The following GFRA1 variants were observed in gnomAD, a reference collection of about 807,000 sequenced individuals.
GFRA1 encodes GDNF family receptor alpha 1, also known as GDNF family receptor alpha-1.
A neutral mutation model predicts 51.6 loss-of-function variants in GFRA1; 16 were observed. The observed-to-expected ratio is 0.31, with a 90% CI of 0.21 to 0.47. The LOEUF (loss-of-function observed/expected upper bound fraction) is 0.47, where lower values mean the gene tolerates loss of function less well. Ranked by LOEUF, GFRA1 falls within the 20% of genes least tolerant of loss-of-function variation. The probability of loss-of-function intolerance (pLI) is 1.00; values close to 1 mark genes in which losing one functional copy is unlikely to be tolerated. For synonymous variants in GFRA1, 270 were observed against 241.3 expected, an observed-to-expected ratio of 1.12 and a Z score of -1.10; for missense variants, 530 against 594.3, an observed-to-expected ratio of 0.89 and a Z score of 1.13.
At chr10:116,142,213 T>C (rs2134097028) in intron 5 of GFRA1, among the ~76,000 whole-genome samples, 1 of 152,322 alleles carries the variant, frequency 6.6e-6, no homozygotes, top group East Asian at 1.9e-4. Flanking sequence ...GTGGTTGTGT[T>C]TGTTATACAC....
intron 5 of GFRA1, among the ~76,000 whole-genome samples, chr10:116,145,784 C>T (rs550435332): frequency 6.6e-6 from 1 of 152,128 alleles, no homozygotes; most frequent in East Asian, 1.9e-4. Context: ...TCAAATTAGT[C>T]GCTATTATAA....
At chr10:116,128,405 C>T (rs1288299575) in intron 5 of GFRA1, among the ~76,000 whole-genome samples, 5 of 152,134 alleles carry the variant, frequency 3.3e-5, no homozygotes, top group Non-Finnish European at 7.4e-5. Flanking sequence ...AAGGAGTCCA[C>T]AAGCTTATAC....
intron 5 of GFRA1, among the ~76,000 whole-genome samples, chr10:116,192,448 A>G (rs1189993183): frequency 1.3e-5 from 2 of 152,188 alleles, no homozygotes; most frequent in African/African-American, 4.8e-5. Context: ...GTTCTCCCCA[A>G]GAGGCCCCAC....
At chr10:116,097,936 T>C (rs1189919514) in intron 6 of GFRA1, among the ~76,000 whole-genome samples, 1 of 152,218 alleles carries the variant, frequency 6.6e-6, no homozygotes, top group Non-Finnish European at 1.5e-5. Flanking sequence ...AAGCGCATTA[T>C]GCATCCCTTT....
intron 5 of GFRA1, among the ~76,000 whole-genome samples, chr10:116,145,016 G>A (rs1352289889): frequency 1.3e-5 from 2 of 151,536 alleles, no homozygotes; most frequent in Non-Finnish European, 2.9e-5. Flanking sequence ...AGGCATGGTG[G>A]TGCGCACCTG....
intron 5 of GFRA1, among the ~76,000 whole-genome samples, chr10:116,209,769 CG>C (rs1287119351): frequency 1.3e-5 from 2 of 152,016 alleles, no homozygotes; most frequent in African/African-American, 2.4e-5. Context: ...GAACATTTTA[CG>C]GAGCAATATT....
intron 9 of GFRA1, among the ~76,000 whole-genome samples, chr10:116,072,280 G>T (rs1395349102): frequency 6.6e-6 from 1 of 152,134 alleles, no homozygotes; most frequent in Non-Finnish European, 1.5e-5. Flanking sequence ...GGCACTTGTG[G>T]GTAGAAGAAG....
chr10:116,210,379 G>T (rs916910837), intron 5 of GFRA1, among the ~76,000 whole-genome samples: 4 of 152,024 alleles, frequency 2.6e-5, no homozygotes, highest in South Asian at 2.1e-4. Flanking sequence ...AAAAAAAAAT[G>T]ATCTGCCTAG....
At chr10:116,117,546 T>A in intron 6 of GFRA1, among the ~76,000 whole-genome samples, 1 of 14,706 alleles carries the variant, frequency 6.8e-5, no homozygotes. Context: ...GGTGGGTGGG[T>A]GGGTGGGTGT....
rs1969915057 is a variant in GFRA1, at chr10:116,269,377, T to C, written c.418+126A>G. 4 of 721,214 alleles carry C rather than the reference T, an allele frequency of 5.5e-6. No homozygotes were observed. The South Asian group carries it at 5.9e-5, about 11-fold the overall frequency. The allele number at this position is 721,214 out of a possible 1,614,324, so 44.7% of individuals were successfully genotyped here. A position where few individuals can be genotyped will look rare whatever the true frequency, so the allele number is the denominator to read the frequency against. Reference sequence around the variant, plus strand: ...GCCTCTTCATTATCATCATCCTATTTCTAATTTCCCAGAAACACTGTGCCA... The same window carrying C: ...GCCTCTTCATTATCATCATCCTATTCCTAATTTCCCAGAAACACTGTGCCA... On this transcript the variant is annotated intron_variant, in intron 4 of 10. Coordinates refer to ENST00000355422, the MANE Select transcript of GFRA1 (RefSeq NM_005264.8).
chr10:116,115,439 C>T (rs1957374802), intron 6 of GFRA1, among the ~76,000 whole-genome samples: 1 of 152,038 alleles, frequency 6.6e-6, no homozygotes, highest in South Asian at 2.1e-4. Flanking sequence ...GTGAGATGAG[C>T]CCATGCATGG....
intron 5 of GFRA1, among the ~76,000 whole-genome samples, chr10:116,182,642 C>A (rs538255520): frequency 6.6e-6 from 1 of 152,346 alleles, no homozygotes; most frequent in Admixed American, 6.5e-5. Context: ...CAGGTGTCAA[C>A]AAACTGCCAT....
intron 5 of GFRA1, among the ~76,000 whole-genome samples, chr10:116,146,248 T>A (rs73370415): frequency 0.012 from 1,900 of 152,218 alleles, 39 homozygotes; most frequent in African/African-American, 0.043. Context: ...CATTTACAAT[T>A]TAGGGGACTC....
chr10:116,223,264 T>G (rs1966051731), intron 4 of GFRA1, among the ~76,000 whole-genome samples: 1 of 152,254 alleles, frequency 6.6e-6, no homozygotes, highest in Non-Finnish European at 1.5e-5. Flanking sequence ...TAGTCATATT[T>G]GTTTCTCTGG....
chr10:116,140,438 A>G (rs1047220148), intron 5 of GFRA1, among the ~76,000 whole-genome samples: 1 of 152,218 alleles, frequency 6.6e-6, no homozygotes, highest in Non-Finnish European at 1.5e-5. Flanking sequence ...ATTTGATAGT[A>G]TAAGTGGGAC....
intron 4 of GFRA1, among the ~76,000 whole-genome samples, chr10:116,261,527 T>C (rs968671651): frequency 6.6e-6 from 1 of 152,230 alleles, no homozygotes; most frequent in African/African-American, 2.4e-5. Flanking sequence ...TTTTCCCCTG[T>C]CTTCTGCATT....
At chr10:116,163,475 T>C (rs1960040295) in intron 5 of GFRA1, among the ~76,000 whole-genome samples, 1 of 152,240 alleles carries the variant, frequency 6.6e-6, no homozygotes, top group Admixed American at 6.5e-5. Flanking sequence ...GGCCCATTTC[T>C]TCTTGGGCTG....
chr10:116,181,036 G>C (rs370216516), intron 5 of GFRA1, among the ~76,000 whole-genome samples: 1 of 152,196 alleles, frequency 6.6e-6, no homozygotes, highest in South Asian at 2.1e-4. Flanking sequence ...TCCTGGTAGA[G>C]AGTCAATTTT....
chr10:116,157,429 C>T (rs1006430145), intron 5 of GFRA1, among the ~76,000 whole-genome samples: 6 of 152,332 alleles, frequency 3.9e-5, no homozygotes, highest in African/African-American at 1.2e-4. Context: ...CACCAGCAGT[C>T]CGGTGACTGG....
Sources: gnomAD v4.1 joint callset for allele counts (sites outside exome capture counted in the v4.1 genomes callset) on GRCh38, gnomAD v4.1.1 for gene constraint, MANE v1.5 for transcripts, NCBI Gene and HGNC (gene_info 2026-07-23, HGNC 2026-07-21) for gene names.